Variants in COL21A1 observed in about 807,000 individuals in gnomAD.
The protein encoded by COL21A1 is collagen alpha-1(XXI) chain.
COL21A1 carries 149 observed loss-of-function variants against 137.9 expected under a neutral mutation model. The ratio of observed to expected loss-of-function variants is 1.08; its 90% CI spans 0.95 to 1.24. The LOEUF (loss-of-function observed/expected upper bound fraction) is 1.24, where lower values mean the gene tolerates loss of function less well. Ranked by LOEUF, COL21A1 falls within the 50% of genes most tolerant of loss-of-function variation. The pLI is 0.00. For synonymous variants in COL21A1, 456 were observed against 391.5 expected, an observed-to-expected ratio of 1.16 and a Z score of -1.95; for missense variants, 1,167 against 1,158.4, an observed-to-expected ratio of 1.01 and a Z score of -0.11.
Position 56,093,469 on chromosome 6 carries a change from C to T in COL21A1, c.1812+8003G>A, listed in dbSNP as rs139041843. 3.0e-4 allele frequency among the ~76,000 whole-genome samples: 45 copies of T among 152,106 alleles called. No homozygotes were observed. The East Asian group carries it at 6.4e-3, about 22-fold the overall frequency. The stretch of plus-strand genomic sequence containing the variant: ...GAGCAAGTTATCTATTTCCCGATTA[C>T]GATGTTAAGACAGGCAAAGGATAAG... On this transcript the variant is annotated intron_variant, in intron 17 of 29. Coordinates refer to ENST00000244728, the MANE Select transcript of COL21A1 (RefSeq NM_030820.4).
chr6:56,216,929 G>A (rs1487942720), intron 1 of COL21A1, among the ~76,000 whole-genome samples: 1 of 151,900 alleles, frequency 6.6e-6, no homozygotes, highest in Non-Finnish European at 1.5e-5. Flanking sequence ...ATATTTAGAA[G>A]GTAAGACCTG....
chr6:56,167,946 C>G (rs1434581877), intron 6 of COL21A1, among the ~76,000 whole-genome samples, 178 bp downstream of exon 6: 5 of 152,092 alleles, frequency 3.3e-5, no homozygotes, highest in African/African-American at 4.8e-5. Flanking sequence ...AAGTCCAATT[C>G]TGCATTTTAA....
chr6:56,215,010 C>A (rs1780394267), intron 1 of COL21A1, among the ~76,000 whole-genome samples: 1 of 152,070 alleles, frequency 6.6e-6, no homozygotes, highest in Non-Finnish European at 1.5e-5. Flanking sequence ...TCATCACATC[C>A]AGTAACTATC....
intron 1 of COL21A1, among the ~76,000 whole-genome samples, chr6:56,238,717 G>A (rs543679594): frequency 6.6e-6 from 1 of 152,198 alleles, no homozygotes; most frequent in Non-Finnish European, 1.5e-5. Context: ...CAAGTACTAG[G>A]TGGATAATGG....
chr6:56,133,769 C>T (rs1450896501), intron 12 of COL21A1, among the ~76,000 whole-genome samples: 1 of 152,154 alleles, frequency 6.6e-6, no homozygotes, highest in African/African-American at 2.4e-5. Context: ...CTAAAAGGGA[C>T]CAAGGTACAG....
intron 1 of COL21A1, among the ~76,000 whole-genome samples, chr6:56,283,013 A>G (rs1286724204): frequency 6.6e-6 from 1 of 152,236 alleles, no homozygotes; most frequent in African/African-American, 2.4e-5. Context: ...AGGAACTTCT[A>G]TTACAATAAT....
chr6:56,161,009 A>G (rs1776159568), intron 9 of COL21A1, among the ~76,000 whole-genome samples: 1 of 152,122 alleles, frequency 6.6e-6, no homozygotes. Flanking sequence ...GAACCCAAGT[A>G]CCACTCCCTG....
intron 10 of COL21A1, among the ~76,000 whole-genome samples, chr6:56,148,346 G>T (rs1160997877): frequency 2.1e-5 from 3 of 145,608 alleles, no homozygotes; most frequent in African/African-American, 8.4e-5. Context: ...GACAGAGAGA[G>T]AGAGAGAGAG....
chr6:56,245,099 G>A (rs901406797), intron 1 of COL21A1, among the ~76,000 whole-genome samples: 19 of 152,220 alleles, frequency 1.2e-4, no homozygotes, highest in African/African-American at 4.3e-4. Context: ...TAACTGGATA[G>A]GGTTTCCTTT....
chr6:56,345,956 A>G (rs996490034), intron 1 of COL21A1, among the ~76,000 whole-genome samples: 1 of 152,194 alleles, frequency 6.6e-6, no homozygotes, highest in Non-Finnish European at 1.5e-5. Context: ...ATCTGTCACC[A>G]TTCACTTTTC....
rs1419871138 is a variant in COL21A1 at position 56,240,831 on chromosome 6, T to C, written c.-39+6556A>G. The stretch of plus-strand genomic sequence containing the variant: ...TGGCCTTTATTTAGTATTTGACATG[T>C]CAATATTAACATTATCTAAATAGTA... On this transcript the variant is annotated intron_variant, in intron 1 of 29. Transcript: ENST00000244728. Among the ~76,000 whole-genome samples, 4 of 152,288 alleles carry C rather than the reference T, an allele frequency of 2.6e-5. No homozygotes were observed. In the East Asian group the frequency reaches 7.7e-4, roughly 29 times the overall value.
At chr6:56,142,748 C>A (rs1384161987) in intron 10 of COL21A1, among the ~76,000 whole-genome samples, 2 of 152,196 alleles carry the variant, frequency 1.3e-5, no homozygotes, top group Non-Finnish European at 2.9e-5. Flanking sequence ...CCACCTGGCA[C>A]CTACAAACAT....
chr6:56,390,313 C>A (rs1273591429), intron 1 of COL21A1, among the ~76,000 whole-genome samples: 2 of 151,910 alleles, frequency 1.3e-5, no homozygotes, highest in African/African-American at 4.8e-5. Flanking sequence ...TCATGATAAC[C>A]ACAAAATGAA....
At chr6:56,311,951 AG>A (rs1764625576) in intron 1 of COL21A1, among the ~76,000 whole-genome samples, 1 of 152,210 alleles carries the variant, frequency 6.6e-6, no homozygotes, top group Admixed American at 6.5e-5. Context: ...AGCGAGGATG[AG>A]GACTGAAGGT....
intron 3 of COL21A1, among the ~76,000 whole-genome samples, chr6:56,174,507 AT>A (rs1263586315): frequency 1.3e-5 from 2 of 152,102 alleles, no homozygotes; most frequent in African/African-American, 2.4e-5. Context: ...AATAAAAAGG[AT>A]TTTAAGTGAC....
chr6:56,201,447 T>G (rs868707104), intron 1 of COL21A1, among the ~76,000 whole-genome samples: 2 of 152,202 alleles, frequency 1.3e-5, no homozygotes, highest in Non-Finnish European at 2.9e-5. Flanking sequence ...GGTCTAACAT[T>G]TAAGTCTTTA....
chr6:56,137,525 T>C (rs953571909), intron 12 of COL21A1, among the ~76,000 whole-genome samples: 4 of 152,126 alleles, frequency 2.6e-5, no homozygotes, highest in Non-Finnish European at 5.9e-5. Context: ...GGGATTCCAT[T>C]TGGGGTTTGG....
At chr6:56,311,418 CA>C (rs1446536875) in intron 1 of COL21A1, among the ~76,000 whole-genome samples, 1 of 152,102 alleles carries the variant, frequency 6.6e-6, no homozygotes, top group Non-Finnish European at 1.5e-5. Flanking sequence ...TTCAGATAAG[CA>C]GTGAAAAGGA....
chr6:56,204,840 G>T (rs1305683467), intron 1 of COL21A1, among the ~76,000 whole-genome samples: 1 of 152,166 alleles, frequency 6.6e-6, no homozygotes, highest in African/African-American at 2.4e-5. Flanking sequence ...AGGCAAACAG[G>T]ATCTGGAATG....
Sources: gnomAD v4.1 joint callset for allele counts (sites outside exome capture counted in the v4.1 genomes callset) on GRCh38, gnomAD v4.1.1 for gene constraint, MANE v1.5 for transcripts, NCBI Gene and HGNC (gene_info 2026-07-23, HGNC 2026-07-21) for gene names.